Variants in SMYD3 observed in about 807,000 individuals in gnomAD.
SMYD3 encodes the protein histone-lysine N-methyltransferase SMYD3.
SMYD3 carries 36 observed loss-of-function variants against 57.7 expected under a neutral mutation model. The ratio of observed to expected loss-of-function variants is 0.62; its 90% CI spans 0.48 to 0.82. SMYD3 has a LOEUF of 0.82. Ranked by LOEUF, SMYD3 falls within the 40% of genes least tolerant of loss-of-function variation. The pLI, the probability that SMYD3 is intolerant of heterozygous loss-of-function variation, is 0.00. For synonymous variants in SMYD3, 211 were observed against 195.0 expected (o/e 1.08, Z -0.68); for missense variants, 515 against 538.8 (o/e 0.96, Z 0.44).
chr1:245,828,050 T>G (rs540239087), intron 10 of SMYD3, among the ~76,000 whole-genome samples: 57 of 152,162 alleles, frequency 3.7e-4, no homozygotes, highest in African/African-American at 1.3e-3. Context: ...TTTATTTCCA[T>G]AGGGAAAAAA....
intron 1 of SMYD3, among the ~76,000 whole-genome samples, chr1:246,393,788 G>A (rs999007364): frequency 6.6e-5 from 10 of 152,022 alleles, no homozygotes; most frequent in African/African-American, 2.2e-4. Context: ...CCTGGGAAGT[G>A]AGGCTGCCGT....
chr1:245,751,622 A>G (rs758939445), intron 11 of SMYD3, among the ~76,000 whole-genome samples: 1 of 131,150 alleles, frequency 7.6e-6, no homozygotes, highest in African/African-American at 2.8e-5. Flanking sequence ...GAGAGAGAAA[A>G]AGAGAGAGAG....
intron 5 of SMYD3, among the ~76,000 whole-genome samples, chr1:246,225,206 C>T (rs1403384212): frequency 6.6e-6 from 1 of 150,794 alleles, no homozygotes; most frequent in East Asian, 1.9e-4. Flanking sequence ...AACAGAGCAT[C>T]AACAGCCGTC....
intron 10 of SMYD3, among the ~76,000 whole-genome samples, chr1:245,855,962 C>G (rs1289739231): frequency 6.6e-6 from 1 of 152,226 alleles, no homozygotes; most frequent in Non-Finnish European, 1.5e-5. Flanking sequence ...GCCTAGCTAA[C>G]TGTCTGTGTC....
At chr1:246,110,657 G>A (rs1400695808) in intron 5 of SMYD3, among the ~76,000 whole-genome samples, 1 of 152,230 alleles carries the variant, frequency 6.6e-6, no homozygotes, top group Non-Finnish European at 1.5e-5. Context: ...CGCCTGCACA[G>A]TGTCACCAGG....
chr1:245,958,588 C>T (rs2057915733), intron 5 of SMYD3, among the ~76,000 whole-genome samples: 2 of 152,210 alleles, frequency 1.3e-5, no homozygotes, highest in African/African-American at 2.4e-5. Flanking sequence ...AGGTTCTCCT[C>T]CTCCGTAGCA....
chr1:245,947,322 TCA>T, intron 5 of SMYD3: 1 of 455,296 alleles, frequency 2.2e-6, no homozygotes, highest in East Asian at 7.0e-5. Context: ...CATGTGAATG[TCA>T]CAGTATTTGC....
In SMYD3 at chr1:246,119,641, G is replaced by A. The variant is rs150964436; in HGVS notation, c.532-189704C>T. ...TTGGCCAGGCTGATCTCGAACTCCT[G>A]ACCTCAGGTGGTCCATCCACCTCTG... On this transcript the variant is annotated intron_variant, in intron 5 of 11. Transcript: ENST00000490107. Among the ~76,000 whole-genome samples the A allele has an allele frequency of 1.4e-3, 217 of 151,982 alleles. 3 individuals are homozygous for A. The highest frequency in any genetic ancestry group is 5.1e-3 in the African/African-American group (210 of 41,434).
At chr1:245,914,048 A>G (rs1192083640) in intron 8 of SMYD3, among the ~76,000 whole-genome samples, 1 of 152,246 alleles carries the variant, frequency 6.6e-6, no homozygotes, top group East Asian at 1.9e-4. Flanking sequence ...TTTTGCCATT[A>G]AAATTAATAG....
chr1:246,278,834 T>C (rs2064386959), intron 5 of SMYD3, among the ~76,000 whole-genome samples: 1 of 152,044 alleles, frequency 6.6e-6, no homozygotes, highest in South Asian at 2.1e-4. Context: ...AAATAAAAAA[T>C]ATAAACAGAG....
intron 1 of SMYD3, among the ~76,000 whole-genome samples, chr1:246,426,598 G>GT (rs999766656): frequency 2.6e-4 from 40 of 152,174 alleles, no homozygotes; most frequent in African/African-American, 7.7e-4. Context: ...ATTTACTAGG[G>GT]TTTTTTTAAG....
intron 5 of SMYD3, among the ~76,000 whole-genome samples, chr1:245,936,279 T>A (rs55806132): frequency 2.0e-5 from 3 of 152,092 alleles, no homozygotes; most frequent in Non-Finnish European, 4.4e-5. Context: ...ACTTACCAGG[T>A]TGAAATTCTT....
At chr1:246,104,731 G>A (rs78620303) in intron 5 of SMYD3, among the ~76,000 whole-genome samples, 5,534 of 152,058 alleles carry the variant, frequency 0.036, 213 homozygotes, top group East Asian at 0.15. Context: ...ATTTCCTCAT[G>A]TTTACCTTCC....
chr1:245,970,619 A>C (rs2058274507), intron 5 of SMYD3, among the ~76,000 whole-genome samples: 1 of 152,186 alleles, frequency 6.6e-6, no homozygotes, highest in South Asian at 2.1e-4. Context: ...GAAAAAAAAC[A>C]ACCCCATCAG....
At chr1:246,443,951 A>G (rs2067509447) in intron 1 of SMYD3, among the ~76,000 whole-genome samples, 1 of 152,060 alleles carries the variant, frequency 6.6e-6, no homozygotes, top group Non-Finnish European at 1.5e-5. Flanking sequence ...CCTTCCCTAT[A>G]AACCCTCCCT....
chr1:245,897,874 A>G (rs558934214), intron 8 of SMYD3, among the ~76,000 whole-genome samples: 8 of 152,142 alleles, frequency 5.3e-5, no homozygotes, highest in African/African-American at 1.7e-4. Context: ...ACTGCAGCCT[A>G]GAAGACACAG....
At chr1:245,931,956 A>C (rs773640786) in intron 5 of SMYD3, among the ~76,000 whole-genome samples, 14 of 152,240 alleles carry the variant, frequency 9.2e-5, no homozygotes, top group Non-Finnish European at 1.9e-4. Context: ...AAGGACAACT[A>C]TTTTGCATTA....
At chr1:246,247,420 T>C (rs1224695977) in intron 5 of SMYD3, among the ~76,000 whole-genome samples, 1 of 151,392 alleles carries the variant, frequency 6.6e-6, no homozygotes, top group Non-Finnish European at 1.5e-5. Flanking sequence ...CCTCTAGCAC[T>C]GTGGTTTAAG....
At chr1:246,133,518 A>C (rs2061619489) in intron 5 of SMYD3, among the ~76,000 whole-genome samples, 1 of 152,120 alleles carries the variant, frequency 6.6e-6, no homozygotes, top group Non-Finnish European at 1.5e-5. Context: ...TTTTTAATAT[A>C]GTTTTCCTTA....
Sources: gnomAD v4.1 joint callset for allele counts (sites outside exome capture counted in the v4.1 genomes callset) on GRCh38, gnomAD v4.1.1 for gene constraint, MANE v1.5 for transcripts, NCBI Gene and HGNC (gene_info 2026-07-23, HGNC 2026-07-21) for gene names.